The following TJP2 variants were observed in gnomAD, a reference collection of about 807,000 sequenced individuals.
TJP2 encodes the protein tight junction protein 2.
In TJP2, 91 loss-of-function variants were observed where a neutral mutation model predicts 133.1. That is an observed-to-expected ratio of 0.68 (90% confidence interval 0.58 to 0.81). TJP2 has a LOEUF of 0.81. Ranked by LOEUF, TJP2 falls within the 40% of genes least tolerant of loss-of-function variation. The pLI, the probability that TJP2 is intolerant of heterozygous loss-of-function variation, is 0.00. For missense variants in TJP2, 1,541 were observed against 1,565.6 expected, an observed-to-expected ratio of 0.98 and a Z score of 0.26; for synonymous variants, 592 against 583.4, an observed-to-expected ratio of 1.01 and a Z score of -0.21.
intron 1 of TJP2, among the ~76,000 whole-genome samples, chr9:69,190,802 G>C (rs998094428): frequency 6.6e-6 from 1 of 152,180 alleles, no homozygotes; most frequent in Non-Finnish European, 1.5e-5. Context: ...AGCCAGCTGC[G>C]TGTTTGTTGT....
chr9:69,158,791 T>C (rs1823904017), intron 2 of TJP2, among the ~76,000 whole-genome samples: 1 of 152,148 alleles, frequency 6.6e-6, no homozygotes, highest in Admixed American at 6.6e-5. Flanking sequence ...TCTGATAAAA[T>C]TGAGATGAAG....
intron 1 of TJP2, among the ~76,000 whole-genome samples, chr9:69,144,855 C>G (rs140763045): frequency 1.3e-5 from 2 of 152,180 alleles, no homozygotes; most frequent in African/African-American, 4.8e-5. Context: ...CATCTGTTCA[C>G]CCCAGGGAAG....
intron 1 of TJP2, among the ~76,000 whole-genome samples, chr9:69,136,616 C>T (rs948731798): frequency 2.0e-5 from 3 of 152,054 alleles, no homozygotes; most frequent in Non-Finnish European, 2.9e-5. Context: ...AAAGACTTTG[C>T]GGTGTTTCTG....
chr9:69,213,645 T>C (rs966963740), intron 2 of TJP2, among the ~76,000 whole-genome samples: 1 of 152,256 alleles, frequency 6.6e-6, no homozygotes, highest in African/African-American at 2.4e-5. Flanking sequence ...TACCCAGACT[T>C]CCAGATCAGT....
At chr9:69,234,993 T>G (rs971373690) in intron 12 of TJP2, among the ~76,000 whole-genome samples, 5 of 152,184 alleles carry the variant, frequency 3.3e-5, no homozygotes, top group African/African-American at 9.7e-5. Flanking sequence ...AGAGCTTGAT[T>G]GGCAACTGTG....
At chr9:69,249,163 T>C in intron 19 of TJP2, 1 of 985,414 alleles carries the variant, frequency 1.0e-6, no homozygotes, top group South Asian at 4.7e-5. Context: ...AATTGTGCTT[T>C]AAAGGAAGAG....
intron 13 of TJP2, 101 bp downstream of exon 13, chr9:69,236,339 A>G: frequency 8.7e-7 from 1 of 1,149,030 alleles, no homozygotes; most frequent in Non-Finnish European, 1.3e-6. Context: ...CCACATGATG[A>G]GTTCATTACT....
At chr9:69,225,074 T>C (rs951900359) in intron 5 of TJP2, among the ~76,000 whole-genome samples, 3 of 152,250 alleles carry the variant, frequency 2.0e-5, no homozygotes, top group African/African-American at 7.2e-5. Context: ...CTATGGTAGT[T>C]CATGCATTGC....
rs377070849 is a variant in TJP2 at position 69,237,186 on chromosome 9, T to A, written c.2179+50T>A. ...AAATGAACTGACTGGGCTCTGAGCC[T>A]GTTCACCTTTATTTTCAGACTGTAT... On this transcript the variant is annotated intron_variant, in intron 14 of 22. Coordinates refer to ENST00000377245, the MANE Select transcript of TJP2 (RefSeq NM_004817.4). 1.9e-6 allele frequency: 3 copies of A among 1,603,782 alleles called. No individual in the cohort carries two copies. In the African/African-American group the frequency reaches 4.0e-5, roughly 21 times the overall value.
intron 3 of TJP2, among the ~76,000 whole-genome samples, chr9:69,217,180 G>A (rs1264490437): frequency 1.3e-5 from 2 of 151,760 alleles, no homozygotes; most frequent in Non-Finnish European, 2.9e-5. Flanking sequence ...TAGTAGAGAC[G>A]GGTTTTCGCC....
intron 17 of TJP2, among the ~76,000 whole-genome samples, chr9:69,245,819 C>T (rs1243778055): frequency 1.3e-5 from 2 of 152,166 alleles, no homozygotes; most frequent in African/African-American, 4.8e-5. Context: ...GTAAGATATA[C>T]TTTGTTCTGA....
intron 2 of TJP2, among the ~76,000 whole-genome samples, chr9:69,152,244 G>A (rs916135404): frequency 6.6e-6 from 1 of 152,222 alleles, no homozygotes; most frequent in African/African-American, 2.4e-5. Context: ...CAAGCTTTTA[G>A]TGAAAGAGCT....
intron 1 of TJP2, among the ~76,000 whole-genome samples, chr9:69,185,212 C>T (rs930053143): frequency 1.3e-5 from 2 of 152,138 alleles, no homozygotes. Context: ...CAGGTGGGTG[C>T]CACCACACCC....
intron 1 of TJP2, among the ~76,000 whole-genome samples, chr9:69,177,305 T>C (rs1825168189): frequency 1.3e-5 from 2 of 152,142 alleles, no homozygotes; most frequent in Non-Finnish European, 2.9e-5. Flanking sequence ...CTCTGGTGTT[T>C]TACTGAGTTT....
At chr9:69,137,243 CTCTCTCTTTCTTTCTTTCTTTCTTTCTT>C (rs200916546) in intron 1 of TJP2, among the ~76,000 whole-genome samples, 502 of 43,992 alleles carry the variant, frequency 0.011, 1 homozygote, top group Non-Finnish European at 0.018. Flanking sequence ...CTTTCTTTCT[CTCTCTCTTTCTTTCTTTCTTTCTTTCTT>C]TTTCTTTCTT....
intron 1 of TJP2, among the ~76,000 whole-genome samples, chr9:69,210,295 CCCCCAA>C (rs1827787367): frequency 2.0e-5 from 1 of 50,160 alleles, no homozygotes; most frequent in Non-Finnish European, 4.6e-5. Context: ...TCCCCCCCCC[CCCCCAA>C]AAAAAAAAAA....
intron 20 of TJP2, among the ~76,000 whole-genome samples, chr9:69,250,790 C>T (rs1421063855): frequency 6.6e-6 from 1 of 152,176 alleles, no homozygotes; most frequent in Non-Finnish European, 1.5e-5. Flanking sequence ...TCACAGCCCT[C>T]CCAGCACTTT....
At position 69,157,488 on chromosome 9, in the gene TJP2, CAG is replaced by C. The variant is rs200163969; in HGVS notation, c.-10+5720_-10+5721del. Among the ~76,000 whole-genome samples, 1,391 of 147,368 alleles carry C rather than the reference CAG, an allele frequency of 9.4e-3. 9 individuals are homozygous for C. The highest frequency in any genetic ancestry group is 0.016 in the Non-Finnish European group (1,039 of 67,004). ...AGAGTTGGTTTTTTTTTTTTTGAGACAGAGTCTCACTCTGTCGCCCAGGCTGG... is the reference window on the plus strand; with the variant it reads ...AGAGTTGGTTTTTTTTTTTTTGAGACAGTCTCACTCTGTCGCCCAGGCTGG... On this transcript the variant is annotated intron_variant, in intron 2 of 5. Coordinates refer to the TJP2 transcript ENST00000423935.
chr9:69,164,782 G>A (rs1431720905), intron 2 of TJP2, among the ~76,000 whole-genome samples: 2 of 152,196 alleles, frequency 1.3e-5, no homozygotes, highest in Admixed American at 1.3e-4. Context: ...AGAGGGGCCG[G>A]AAAGCCGGGA....
Sources: gnomAD v4.1 joint callset for allele counts (sites outside exome capture counted in the v4.1 genomes callset) on GRCh38, gnomAD v4.1.1 for gene constraint, MANE v1.5 for transcripts, NCBI Gene and HGNC (gene_info 2026-07-23, HGNC 2026-07-21) for gene names.